The following PML variants were observed in gnomAD, a reference collection of about 807,000 sequenced individuals.
PML encodes protein PML.
PML carries 28 observed loss-of-function variants against 65.2 expected under a neutral mutation model. That is an observed-to-expected ratio of 0.43 (90% CI 0.32 to 0.59). The LOEUF (loss-of-function observed/expected upper bound fraction) is 0.59, where lower values mean the gene tolerates loss of function less well. Among genes scored for constraint, PML ranks in the 20% least tolerant of loss-of-function variants. The pLI, the probability that PML is intolerant of heterozygous loss-of-function variation, is 0.08. For missense variants in PML, 1,021 were observed against 1,203.4 expected (o/e 0.85, Z 2.24); for synonymous variants, 500 against 508.8 (o/e 0.98, Z 0.23).
chr15:74,041,853 T>C (rs1365211718), intron 7 of PML, among the ~76,000 whole-genome samples: 2 of 152,212 alleles, frequency 1.3e-5, no homozygotes, highest in African/African-American at 4.8e-5. Flanking sequence ...ACCAACTTCA[T>C]TGAGAAGCCA....
intron 2 of PML, among the ~76,000 whole-genome samples, chr15:74,015,718 G>A (rs1194303029): frequency 1.3e-5 from 2 of 152,174 alleles, no homozygotes; most frequent in African/African-American, 4.8e-5. Flanking sequence ...GCTCCAGAAT[G>A]TCCAATGACT....
intron 2 of PML, among the ~76,000 whole-genome samples, chr15:74,006,390 CAAAAAA>C (rs372202858): frequency 3.4e-5 from 3 of 87,554 alleles, no homozygotes; most frequent in African/African-American, 9.5e-5. Context: ...GACTCCGTCT[CAAAAAA>C]AAAAAAAAAA....
Position 74,035,070 on chromosome 15 carries a change from C to G in PML, c.1710+540C>G. On this transcript the variant is annotated intron_variant, in intron 7 of 8. Coordinates refer to ENST00000268058, the MANE Select transcript of PML (RefSeq NM_033238.3). This position sits in a 1 kb window ranked among gnomAD's most constrained non-coding sequence, Gnocchi z 4.1. ...GGTTTATTACTAGAGGCTGGACTAT[C>G]ACCTGTCCAGGGGAAAAGGGGATCT... is the stretch of plus-strand genomic sequence containing the variant. The G allele has an allele frequency of 7.6e-7, 1 of 1,308,302 alleles. No individual in the cohort carries two copies. Among genetic ancestry groups the G allele is most frequent in the South Asian group, 1.2e-5 (1 of 85,354 alleles). 81.0% of individuals were successfully genotyped at this position (1,308,302 alleles called of 1,614,324 possible).
At chr15:74,014,153 G>A (rs2070456027) in intron 2 of PML, among the ~76,000 whole-genome samples, 1 of 152,316 alleles carries the variant, frequency 6.6e-6, no homozygotes, top group Non-Finnish European at 1.5e-5. Flanking sequence ...GATTGGAGCT[G>A]GAGAGACCAG....
At chr15:74,032,375 AT>A in intron 4 of PML, 196 bp from the exon 5 acceptor site, 2 of 620,640 alleles carry the variant, frequency 3.2e-6, no homozygotes, top group East Asian at 2.8e-5. Flanking sequence ...CTACAAAAAA[AT>A]TTTTTTAAAA....
In PML at chr15:74,022,627, T is replaced by C. The variant is rs562742720; in HGVS notation, c.603-201T>C. On this transcript the variant is annotated intron_variant, in intron 2 of 8. Transcript: ENST00000268058. ...TTCCCGGATGTTGAAATTGTTACTG[T>C]AGTAACTTTTTATACTCATGTGTTA... Among the ~76,000 whole-genome samples the C allele has an allele frequency of 2.0e-5, 3 of 152,364 alleles. No individual in the cohort carries two copies. In the South Asian group the frequency reaches 6.2e-4, roughly 32 times the overall value.
intron 7 of PML, among the ~76,000 whole-genome samples, chr15:74,040,626 A>C (rs557436747): frequency 6.6e-6 from 1 of 152,194 alleles, no homozygotes; most frequent in African/African-American, 2.4e-5. Context: ...CCCAGCTGTG[A>C]TGCTGGAGTT....
intron 4 of PML, chr15:74,027,821 G>A (rs970177923): frequency 6.6e-6 from 1 of 152,316 alleles, no homozygotes; most frequent in African/African-American, 2.4e-5. Flanking sequence ...CTTGCCTGGG[G>A]ATGGCAGTGC....
In PML at chr15:74,033,271, C is replaced by T. The variant is rs756856518; in HGVS notation, c.1514C>T (p.Ser505Phe). 1 of 1,614,200 alleles carries T rather than the reference C, an allele frequency of 6.2e-7. No individual in the cohort carries two copies. The highest frequency in any genetic ancestry group is 1.1e-5 in the South Asian group (1 of 91,086). The change falls in exon 6 of 9, where the codon TCC becomes TTC. Residue 505 changes from serine (S) to phenylalanine (F), a missense_variant. Ser to Phe is a radical substitution (Grantham distance 155, BLOSUM62 -2). Transcript: ENST00000268058. ...EGKEARLARS[S>F]PEQPRPSTSK... Reference sequence around the variant, plus strand: ...AAGGAGGCAAGGTTGGCTCGGAGCTCCCCGGAGCAGCCCAGGCCCAGCACC... The same window carrying T: ...AAGGAGGCAAGGTTGGCTCGGAGCTTCCCGGAGCAGCCCAGGCCCAGCACC...
chr15:74,022,949 G>A lies in PML; in HGVS notation c.724G>A (p.Ala242Thr), dbSNP rs1297879562. 6.2e-7 allele frequency: 1 copy of A among 1,611,206 alleles called. No individual in the cohort carries two copies. The highest frequency in any genetic ancestry group is 1.7e-5 in the Admixed American group (1 of 59,618). The change falls in exon 3 of 9, where the codon GCC (alanine) becomes ACC (threonine). Residue 242 changes from alanine (A) to threonine (T), a missense_variant. Ala to Thr is a moderately conservative substitution (Grantham distance 58, BLOSUM62 0). Coordinates refer to ENST00000268058, the MANE Select transcript of PML (RefSeq NM_033238.3). Reference protein sequence around the residue: ...EIQQRQEELDAMTQALQEQDS... With the variant: ...EIQQRQEELDTMTQALQEQDS... Reference sequence around the variant, plus strand: ...CCAGCAGCGACAGGAGGAGCTGGACGCCATGACGCAGGCGCTGCAGGAGCA... The same window carrying A: ...CCAGCAGCGACAGGAGGAGCTGGACACCATGACGCAGGCGCTGCAGGAGCA...
chr15:74,034,776 C>A (rs143915845), intron 7 of PML: 24,190 of 1,448,740 alleles, frequency 0.017, 263 homozygotes, highest in Non-Finnish European at 0.02. Flanking sequence ...TGTCCAGAGC[C>A]CTGTCTCTTT....
chr15:74,024,801 G>A, intron 3 of PML, 56 bp from the exon 4 acceptor site: 1 of 1,256,118 alleles, frequency 8.0e-7, no homozygotes, highest in South Asian at 1.2e-5. Context: ...CCCAGGTCAG[G>A]ATGTCCCTTA....
At chr15:74,018,333 AAAAAG>A (rs1261134748) in intron 2 of PML, among the ~76,000 whole-genome samples, 2 of 151,786 alleles carry the variant, frequency 1.3e-5, no homozygotes, top group Non-Finnish European at 2.9e-5. Context: ...AAAAAAAAAA[AAAAAG>A]AAAAGAAAAA....
Position 74,046,642 on chromosome 15 carries a change from T to A in PML, c.*1634T>A, listed in dbSNP as rs1014608652. On this transcript the variant is annotated 3_prime_UTR_variant, in exon 9 of 9. Transcript: ENST00000268058. The stretch of plus-strand genomic sequence containing the variant: ...ACCGATGGAAACAGATTGATGCAGA[T>A]GGAAGGAGGAAGGGAGACTGGGCCC... 1 of 232,660 alleles carries A rather than the reference T, an allele frequency of 4.3e-6. No homozygotes were observed. Among genetic ancestry groups the A allele is most frequent in the Non-Finnish European group, 8.5e-6 (1 of 117,750 alleles). The allele number at this position is 232,660 out of a possible 1,614,324, so 14.4% of individuals were successfully genotyped here.
chr15:74,034,350 C>G (rs776543651), intron 6 of PML, 128 bp from the exon 7 acceptor site: 3 of 1,179,122 alleles, frequency 2.5e-6, no homozygotes, highest in Non-Finnish European at 3.8e-6. Flanking sequence ...TGGCTGTTCC[C>G]GTCCCCCTGC....
chr15:74,008,191 G>C (rs1013960982), intron 2 of PML, among the ~76,000 whole-genome samples: 3 of 152,234 alleles, frequency 2.0e-5, no homozygotes, highest in African/African-American at 7.2e-5. Flanking sequence ...CACGTGCAAG[G>C]AAGGGGCACT....
chr15:74,001,323 G>A (rs532195147), intron 2 of PML, among the ~76,000 whole-genome samples: 12 of 150,150 alleles, frequency 8.0e-5, no homozygotes, highest in Non-Finnish European at 1.6e-4. Context: ...TCATTTATTT[G>A]CAATCTTTAT....
intron 3 of PML, 25 bp from the exon 4 acceptor site, chr15:74,024,832 C>G: frequency 6.3e-7 from 1 of 1,589,114 alleles, no homozygotes; most frequent in Non-Finnish European, 8.6e-7. Context: ...CTTGACCTGC[C>G]TGTGACCTTC....
chr15:74,007,028 A>G (rs1257983121), intron 2 of PML, among the ~76,000 whole-genome samples: 1 of 152,222 alleles, frequency 6.6e-6, no homozygotes, highest in Non-Finnish European at 1.5e-5. Flanking sequence ...TCACACTTCA[A>G]CATGAGATTT....
Sources: gnomAD v4.1 joint callset for allele counts (sites outside exome capture counted in the v4.1 genomes callset) on GRCh38, gnomAD v4.1.1 for gene constraint, Gnocchi (gnomAD v3.1) non-coding constraint, MANE v1.5 for transcripts, NCBI Gene and HGNC (gene_info 2026-07-23, HGNC 2026-07-21) for gene names.